KCNB2: variants seen among roughly 807,000 people sequenced by gnomAD.
The protein encoded by KCNB2 is potassium voltage-gated channel subfamily B member 2.
A neutral mutation model predicts 61.5 loss-of-function variants in KCNB2; 15 were observed. That is an observed-to-expected ratio of 0.24 (90% confidence interval 0.16 to 0.38). KCNB2 has a LOEUF of 0.38. KCNB2 is among the 10% of genes least tolerant of loss of function. The pLI is 1.00. For missense variants in KCNB2, 828 were observed against 1,125.2 expected, an observed-to-expected ratio of 0.74 and a Z score of 3.78; for synonymous variants, 457 against 446.0, an observed-to-expected ratio of 1.02 and a Z score of -0.31.
intron 2 of KCNB2, among the ~76,000 whole-genome samples, chr8:72,574,025 A>T (rs1336953480): frequency 6.6e-6 from 1 of 152,240 alleles, no homozygotes; most frequent in Non-Finnish European, 1.5e-5. Context: ...GAACTTGGCC[A>T]ATCTGCAGAG....
Position 72,909,420 on chromosome 8 carries a change from G to A in KCNB2, c.580-26515G>A, listed in dbSNP as rs543786240. 3.3e-4 allele frequency among the ~76,000 whole-genome samples: 51 copies of A among 152,240 alleles called. 1 individual carries two copies. In the South Asian group the frequency reaches 0.01, roughly 31 times the overall value. On this transcript the variant is annotated intron_variant, in intron 2 of 2. Transcript: ENST00000523207. ...GGATTCTGGAGCATGGTGTGGAGGA[G>A]AGGAGCGGCAGGAAGGCACAGGGGC...
chr8:72,797,288 G>A lies in KCNB2; in HGVS notation c.580-138647G>A, dbSNP rs79097679. On this transcript the variant is annotated intron_variant, in intron 2 of 2. Coordinates refer to ENST00000523207, the MANE Select transcript of KCNB2 (RefSeq NM_004770.3). ...AGTCAGCTCAAAGACTTCTGGAAACGTACTATATACTAAAATGAGTCTTCC... is the reference window on the plus strand; with the variant it reads ...AGTCAGCTCAAAGACTTCTGGAAACATACTATATACTAAAATGAGTCTTCC... Among the ~76,000 whole-genome samples, 113 of 152,258 alleles carry A rather than the reference G, an allele frequency of 7.4e-4. 1 individual carries two copies. The East Asian group carries it at 0.019, about 26-fold the overall frequency.
At chr8:72,727,628 T>A (rs926782606) in intron 2 of KCNB2, among the ~76,000 whole-genome samples, 1 of 152,198 alleles carries the variant, frequency 6.6e-6, no homozygotes, top group Non-Finnish European at 1.5e-5. Context: ...GGAAAGGCTG[T>A]GGTTCTCTTA....
chr8:72,574,124 A>G (rs1806760354), intron 2 of KCNB2, among the ~76,000 whole-genome samples: 1 of 152,378 alleles, frequency 6.6e-6, no homozygotes, highest in East Asian at 1.9e-4. Context: ...ATAAGGCATA[A>G]GAAAATAAAA....
intron 2 of KCNB2, among the ~76,000 whole-genome samples, chr8:72,893,619 A>G (rs1805936872): frequency 6.6e-6 from 1 of 152,200 alleles, no homozygotes; most frequent in Admixed American, 6.6e-5. Flanking sequence ...AAAACAACTC[A>G]TTACTATTAT....
chr8:72,777,027 TA>T (rs1238412651), intron 2 of KCNB2, among the ~76,000 whole-genome samples: 1 of 152,238 alleles, frequency 6.6e-6, no homozygotes, highest in South Asian at 2.1e-4. Context: ...ACAGGAAATG[TA>T]GGCATCATCT....
intron 2 of KCNB2, among the ~76,000 whole-genome samples, chr8:72,653,514 G>T (rs1244931979): frequency 1.3e-5 from 2 of 151,418 alleles, no homozygotes; most frequent in African/African-American, 4.9e-5. Context: ...TTTATTTTTT[G>T]TTTATTGATT....
chr8:72,721,235 G>A (rs1045695835), intron 2 of KCNB2, among the ~76,000 whole-genome samples: 2 of 152,278 alleles, frequency 1.3e-5, no homozygotes, highest in East Asian at 1.9e-4. Context: ...TATGACACAC[G>A]TTTCTTTATT....
chr8:72,726,941 G>C (rs1807660579), intron 2 of KCNB2, among the ~76,000 whole-genome samples: 1 of 152,138 alleles, frequency 6.6e-6, no homozygotes, highest in African/African-American at 2.4e-5. Flanking sequence ...CTAAGAGACA[G>C]AGTTCAGAGC....
rs547544995 is a variant in KCNB2 at position 72,604,347 on chromosome 8, G to A, written c.579+36034G>A. Among the ~76,000 whole-genome samples, 48 of 152,212 alleles carry A rather than the reference G, an allele frequency of 3.2e-4. No individual in the cohort carries two copies. The South Asian group carries it at 9.3e-3, about 30-fold the overall frequency. On this transcript the variant is annotated intron_variant, in intron 2 of 2. Transcript: ENST00000523207. Reference sequence around the variant, plus strand: ...AGAGATCATGTCCTATTTGGTTTCTGTACCTTTTTGAGAAGCATTATGACA... The same window carrying A: ...AGAGATCATGTCCTATTTGGTTTCTATACCTTTTTGAGAAGCATTATGACA...
chr8:72,922,956 T>A (rs1364355326), intron 2 of KCNB2, among the ~76,000 whole-genome samples: 1 of 143,938 alleles, frequency 6.9e-6, no homozygotes, highest in Non-Finnish European at 1.5e-5. Context: ...AAGACTTGAA[T>A]CAAACAATAT....
chr8:72,747,912 C>G (rs987957218), intron 2 of KCNB2, among the ~76,000 whole-genome samples: 1 of 152,128 alleles, frequency 6.6e-6, no homozygotes, highest in Non-Finnish European at 1.5e-5. Context: ...ACCTTTTTAT[C>G]CACTCAGTCA....
intron 2 of KCNB2, among the ~76,000 whole-genome samples, chr8:72,710,081 A>G (rs1448948247): frequency 6.6e-6 from 1 of 152,188 alleles, no homozygotes; most frequent in Non-Finnish European, 1.5e-5. Flanking sequence ...ACCACTCCCC[A>G]TCATCCATCA....
intron 2 of KCNB2, among the ~76,000 whole-genome samples, chr8:72,917,681 C>G (rs1172030374): frequency 6.6e-6 from 1 of 152,062 alleles, no homozygotes; most frequent in Non-Finnish European, 1.5e-5. Flanking sequence ...ATGGTGGTCC[C>G]TTATACCAAA....
At chr8:72,749,287 T>A (rs537898838) in intron 2 of KCNB2, 2 of 151,948 alleles carry the variant, frequency 1.3e-5, no homozygotes, top group African/African-American at 4.8e-5. Flanking sequence ...CTCTGCTAAT[T>A]TTTTTTTCTT....
intron 2 of KCNB2, among the ~76,000 whole-genome samples, chr8:72,841,361 C>A (rs962480436): frequency 1.5e-5 from 1 of 66,180 alleles, no homozygotes; most frequent in African/African-American, 5.4e-5. Context: ...GTTTTCTTTT[C>A]TTTTTTTTTT....
intron 2 of KCNB2, among the ~76,000 whole-genome samples, chr8:72,839,599 CTTTTTTTTTTTTTTTTT>C (rs10561095): frequency 1.1e-5 from 1 of 87,640 alleles, no homozygotes; most frequent in Admixed American, 1.7e-4. Flanking sequence ...TGAAAGGCTT[CTTTTTTTTTTTTTTTTT>C]TTTTTTTTTT....
At chr8:72,908,593 G>T (rs1806223872) in intron 2 of KCNB2, among the ~76,000 whole-genome samples, 1 of 152,210 alleles carries the variant, frequency 6.6e-6, no homozygotes, top group Non-Finnish European at 1.5e-5. Context: ...GAAAGTAGAT[G>T]AGACTGGAAA....
At chr8:72,764,812 C>T (rs1808436692) in intron 2 of KCNB2, among the ~76,000 whole-genome samples, 1 of 152,112 alleles carries the variant, frequency 6.6e-6, no homozygotes, top group African/African-American at 2.4e-5. Context: ...AAGAGGCTGG[C>T]TTGTTTTCAG....
Sources: gnomAD v4.1 joint callset for allele counts (sites outside exome capture counted in the v4.1 genomes callset) on GRCh38, gnomAD v4.1.1 for gene constraint, MANE v1.5 for transcripts, NCBI Gene and HGNC (gene_info 2026-07-23, HGNC 2026-07-21) for gene names.